GATAD2A: variants seen among roughly 807,000 people sequenced by gnomAD.
GATAD2A encodes the protein transcriptional repressor p66-alpha.
Under a neutral mutation model 68.5 loss-of-function variants are expected in GATAD2A, and 12 were observed. The observed-to-expected ratio is 0.18, with a 90% CI of 0.11 to 0.28. The LOEUF is 0.28. Among genes scored for constraint, GATAD2A ranks in the 10% least tolerant of loss-of-function variants. The pLI, the probability that GATAD2A is intolerant of heterozygous loss-of-function variation, is 1.00. For missense variants in GATAD2A, 755 were observed against 868.5 expected (o/e 0.87, Z 1.64); for synonymous variants, 410 against 375.3 (o/e 1.09, Z -1.07).
At chr19:19,400,715 C>A (rs2049648369), upstream of GATAD2A, among the ~76,000 whole-genome samples, 1 of 152,014 alleles carries the variant, frequency 6.6e-6, no homozygotes, top group Non-Finnish European at 1.5e-5. Context: ...CAGCCAATTG[C>A]ATTGTAATCT....
intron 11 of GATAD2A, 39 bp downstream of exon 11, chr19:19,502,565 A>G (rs1329355690): frequency 1.3e-6 from 2 of 1,494,044 alleles, no homozygotes; most frequent in South Asian, 2.4e-5. Flanking sequence ...GGACCTGCCC[A>G]TTGTGGGGTT....
chr19:19,501,483 C>T (rs537931175), intron 9 of GATAD2A, 67 bp downstream of exon 9: 136 of 1,237,870 alleles, frequency 1.1e-4, no homozygotes, highest in African/African-American at 7.4e-4. Context: ...ATCCACCCCA[C>T]GCCTGCGCTG....
chr19:19,483,539 T>C (rs1278223673), intron 2 of GATAD2A, among the ~76,000 whole-genome samples: 1 of 151,786 alleles, frequency 6.6e-6, no homozygotes, highest in South Asian at 2.1e-4. Context: ...GGGCTGCGGC[T>C]GGCGAGAAGC....
intron 2 of GATAD2A, among the ~76,000 whole-genome samples, chr19:19,475,634 C>A (rs1331532673): frequency 6.6e-6 from 1 of 152,202 alleles, no homozygotes; most frequent in Non-Finnish European, 1.5e-5. Flanking sequence ...GACTAGAAAT[C>A]CACAGCCTGC....
chr19:19,501,506 GTTAACTGCACGTC>G (rs1259255971), intron 9 of GATAD2A, 90 bp downstream of exon 9: 1 of 1,008,268 alleles, frequency 9.9e-7, no homozygotes, highest in African/African-American at 1.6e-5. Context: ...CCGCCTGATT[GTTAACTGCACGTC>G]TAAATTGCAG....
intron 1 of GATAD2A, among the ~76,000 whole-genome samples, chr19:19,429,079 T>C (rs2053432321): frequency 6.6e-6 from 1 of 150,398 alleles, no homozygotes; most frequent in Non-Finnish European, 1.5e-5. Flanking sequence ...TCCTGACAAC[T>C]CGTGGAGGTC....
chr19:19,492,458 T>C lies in GATAD2A; in HGVS notation c.402+20T>C. On this transcript the variant is annotated intron_variant, in intron 3 of 11. Transcript: ENST00000683918. ...CTCATGGTGAGCCACGTGTTGGCGC[T>C]GCCGCCGGAGCCCCACTGTGCCCTT... The C allele has an allele frequency of 6.2e-7, 1 of 1,613,788 alleles. No homozygotes were observed. Among genetic ancestry groups the C allele is most frequent in the Non-Finnish European group, 8.5e-7 (1 of 1,179,796 alleles).
chr19:19,443,073 G>A (rs1424573744), intron 1 of GATAD2A, among the ~76,000 whole-genome samples: 1 of 152,156 alleles, frequency 6.6e-6, no homozygotes, highest in Non-Finnish European at 1.5e-5. Flanking sequence ...AGGACACGGA[G>A]TTTAATTTTG....
chr19:19,501,294 G>T lies in GATAD2A; in HGVS notation c.1381G>T (p.Ala461Ser). 2 of 1,613,264 alleles carry T rather than the reference G, an allele frequency of 1.2e-6. No individual in the cohort carries two copies. The highest frequency in any genetic ancestry group is 1.7e-6 in the Non-Finnish European group (2 of 1,179,992). Residue 461 changes from alanine (A) to serine (S), a missense_variant, in exon 9 of 12, where the codon GCC becomes TCC. Transcript: ENST00000683918. ...GGTGGAGCACACCAGCCGGCTGAAG[G>T]CCGCCTTTGTGAAGGCGCTGCAGCA... Reference protein sequence around the residue: ...LKVEHTSRLKAAFVKALQQEQ... With the variant: ...LKVEHTSRLKSAFVKALQQEQ...
chr19:19,477,737 A>C (rs1465695), intron 2 of GATAD2A, among the ~76,000 whole-genome samples: 29,297 of 152,112 alleles, frequency 0.19, 3,051 homozygotes, highest in South Asian at 0.35. Flanking sequence ...GGAGCCCAGG[A>C]TCTCTCAGGC....
At chr19:19,497,714 G>T (rs2060245150) in intron 7 of GATAD2A, among the ~76,000 whole-genome samples, 1 of 152,204 alleles carries the variant, frequency 6.6e-6, no homozygotes, top group Admixed American at 6.5e-5. Context: ...GGGGTGGGGT[G>T]CACAGCTTTC....
chr19:19,464,333 G>C (rs556807358), intron 1 of GATAD2A, among the ~76,000 whole-genome samples: 37 of 152,240 alleles, frequency 2.4e-4, no homozygotes, highest in Non-Finnish European at 4.6e-4. Context: ...ACACTGGGAT[G>C]CTTTTTTAAG....
chr19:19,412,189 T>C (rs1249895699), intron 1 of GATAD2A, among the ~76,000 whole-genome samples: 3 of 151,512 alleles, frequency 2.0e-5, no homozygotes, highest in Admixed American at 6.6e-5. Flanking sequence ...GGAGTCTTGC[T>C]CTGTCAGCCA....
At chr19:19,467,522 C>T (rs1028476962) in intron 2 of GATAD2A, among the ~76,000 whole-genome samples, 1 of 152,136 alleles carries the variant, frequency 6.6e-6, no homozygotes, top group African/African-American at 2.4e-5. Flanking sequence ...ATACTATGTA[C>T]CTTTTATCTT....
At chr19:19,397,545 A>G (rs563642235) in intron 1 of GATAD2A, among the ~76,000 whole-genome samples, 4 of 152,302 alleles carry the variant, frequency 2.6e-5, no homozygotes, top group East Asian at 1.9e-4. Context: ...CTTTCAATAA[A>G]CATTTTCAAT....
At chr19:19,505,174 G>A (rs1228838212) in intron 11 of GATAD2A, among the ~76,000 whole-genome samples, 170 bp from the exon 12 acceptor site, 3 of 152,114 alleles carry the variant, frequency 2.0e-5, no homozygotes, top group African/African-American at 7.2e-5. Flanking sequence ...TTCAGCTCTG[G>A]GGGGGCCTGG....
chr19:19,392,887 G>C (rs1223533116), intron 1 of GATAD2A, among the ~76,000 whole-genome samples: 1 of 152,054 alleles, frequency 6.6e-6, no homozygotes, highest in African/African-American at 2.4e-5. Context: ...AGTAGAGACA[G>C]GGTTTCACCA....
intron 1 of GATAD2A, among the ~76,000 whole-genome samples, chr19:19,439,541 T>G (rs997745222): frequency 1.3e-5 from 2 of 152,118 alleles, no homozygotes; most frequent in Non-Finnish European, 2.9e-5. Flanking sequence ...CAGGGGTATT[T>G]GCAACATCTA....
intron 1 of GATAD2A, chr19:19,464,581 A>AAGGGTCT (rs2057722669): frequency 6.6e-6 from 1 of 152,306 alleles, no homozygotes; most frequent in African/African-American, 2.4e-5. Flanking sequence ...TGTCTCTCCG[A>AAGGGTCT]CTGAATCCTG....
Sources: gnomAD v4.1 joint callset for allele counts (sites outside exome capture counted in the v4.1 genomes callset) on GRCh38, gnomAD v4.1.1 for gene constraint, MANE v1.5 for transcripts, NCBI Gene and HGNC (gene_info 2026-07-23, HGNC 2026-07-21) for gene names.